DLEC1: variants seen among roughly 807,000 people sequenced by gnomAD.
DLEC1 encodes deleted in lung and esophageal cancer protein 1.
In DLEC1, 146 loss-of-function variants were observed where a neutral mutation model predicts 198.1. That is an observed-to-expected ratio of 0.74 (90% CI 0.64 to 0.85). DLEC1 has a LOEUF of 0.85. Among genes scored for constraint, DLEC1 ranks in the 40% least tolerant of loss-of-function variants. The pLI is 0.00. For missense variants in DLEC1, 2,233 were observed against 2,220.0 expected (o/e 1.01, Z -0.12); for synonymous variants, 897 against 866.8 (o/e 1.03, Z -0.61).
At chr3:38,118,078 C>G in intron 33 of DLEC1, 54 bp downstream of exon 33, 2 of 1,534,480 alleles carry the variant, frequency 1.3e-6, no homozygotes, top group Admixed American at 3.9e-5. Context: ...CACATGTGTA[C>G]AGACAGCACC....
chr3:38,104,116 T>C (rs1025008699), intron 19 of DLEC1, among the ~76,000 whole-genome samples: 7 of 152,206 alleles, frequency 4.6e-5, no homozygotes, highest in Non-Finnish European at 8.8e-5. Context: ...CAGAGCATAA[T>C]AACATGAGGT....
At chr3:38,116,417 C>T in intron 27 of DLEC1, 36 bp from the exon 28 acceptor site, 1 of 1,612,080 alleles carries the variant, frequency 6.2e-7, no homozygotes, top group South Asian at 1.1e-5. Context: ...TCTGCTCCTC[C>T]CTTATTCCTC....
chr3:38,097,580 G>T lies in DLEC1; in HGVS notation c.2508G>T (p.Leu836=). 6.2e-7 allele frequency: 1 copy of T among 1,614,208 alleles called. No homozygotes were observed. The highest frequency in any genetic ancestry group is 8.5e-7 in the Non-Finnish European group (1 of 1,180,032). Reference sequence around the variant, plus strand: ...CTGGCCCCACAAGCCAGGACCTGCTGTGTGAAATCGAAGACTCGCCCTCGC... The same window carrying T: ...CTGGCCCCACAAGCCAGGACCTGCTTTGTGAAATCGAAGACTCGCCCTCGC... ...GVPGPTSQDL[L]CEIEDSPSPV... Residue 836 remains leucine, a synonymous_variant, in exon 17 of 37, where the codon CTG becomes CTT. Transcript: ENST00000308059.
At chr3:38,115,945 C>T (rs530504800) in intron 27 of DLEC1, among the ~76,000 whole-genome samples, 2 of 152,188 alleles carry the variant, frequency 1.3e-5, no homozygotes, top group South Asian at 2.1e-4. Context: ...AGAGGGACGG[C>T]ACAGTTCAGT....
chr3:38,123,107 C>T lies in DLEC1; in HGVS notation c.*695C>T. On this transcript the variant is annotated 3_prime_UTR_variant, in exon 37 of 37. Coordinates refer to ENST00000308059, the MANE Select transcript of DLEC1 (RefSeq NM_007335.4). The stretch of plus-strand genomic sequence containing the variant: ...CCATTCCAGTCCCGATGCACATGGA[C>T]ACCACTCCGTATGCCCTGTGAAAAC... The T allele has an allele frequency of 1.2e-6, 2 of 1,614,190 alleles. No homozygotes were observed. The highest frequency in any genetic ancestry group is 1.7e-6 in the Non-Finnish European group (2 of 1,180,018).
intron 7 of DLEC1, among the ~76,000 whole-genome samples, chr3:38,084,794 C>A (rs559935086): frequency 6.6e-6 from 1 of 151,992 alleles, no homozygotes; most frequent in Admixed American, 6.5e-5. Flanking sequence ...TTTCTCCTGA[C>A]CGCCTCCACC....
intron 11 of DLEC1, among the ~76,000 whole-genome samples, 159 bp from the exon 12 acceptor site, chr3:38,093,446 A>C (rs1034303367): frequency 1.3e-5 from 2 of 152,236 alleles, no homozygotes; most frequent in East Asian, 3.9e-4. Flanking sequence ...GAGAACATTA[A>C]CCTGTGGGCG....
chr3:38,116,756 T>C lies in DLEC1; in HGVS notation c.4063-17T>C. 4 of 1,609,306 alleles carry C rather than the reference T, an allele frequency of 2.5e-6. No individual in the cohort carries two copies. The highest frequency in any genetic ancestry group is 1.1e-5 in the South Asian group (1 of 90,568). On this transcript the variant is annotated splice_polypyrimidine_tract_variant and intron_variant, in intron 28 of 36. Transcript: ENST00000308059. ...ACCTCAGTGACTGCGTGAACCTCAG[T>C]GATTCCTTGGTGACAGGTTGAGGGC...
At chr3:38,115,141 C>T (rs541621557) in intron 27 of DLEC1, 88 bp downstream of exon 27, 80 of 1,477,862 alleles carry the variant, frequency 5.4e-5, no homozygotes, top group Middle Eastern at 1.7e-4. Context: ...GGAGGGAAGC[C>T]GATGGCCCAT....
At chr3:38,104,697 T>C (rs551902906) in intron 19 of DLEC1, among the ~76,000 whole-genome samples, 268 of 152,350 alleles carry the variant, frequency 1.8e-3, no homozygotes, top group Middle Eastern at 3.4e-3. Context: ...CAGTCTAGTC[T>C]AGCTAAAGGT....
chr3:38,039,939 T>C (rs1265098578), intron 1 of DLEC1, among the ~76,000 whole-genome samples: 1 of 152,230 alleles, frequency 6.6e-6, no homozygotes, highest in African/African-American at 2.4e-5. Flanking sequence ...GACCGCTGAA[T>C]AGTTGTTCCA....
chr3:38,108,350 T>A (rs1321682247), intron 20 of DLEC1, 55 bp from the exon 21 acceptor site: 5 of 1,435,136 alleles, frequency 3.5e-6, no homozygotes, highest in Non-Finnish European at 4.9e-6. Flanking sequence ...CTCTGGATAC[T>A]GGTCCATTCT....
At chr3:38,062,916 G>A in intron 5 of DLEC1, 115 bp downstream of exon 5, 1 of 1,138,602 alleles carries the variant, frequency 8.8e-7, no homozygotes, top group Non-Finnish European at 1.2e-6. Flanking sequence ...CAGGGTAGCA[G>A]TATCAGAACA....
chr3:38,068,754 T>C (rs1270148096), intron 6 of DLEC1, among the ~76,000 whole-genome samples: 3 of 152,194 alleles, frequency 2.0e-5, no homozygotes, highest in Non-Finnish European at 2.9e-5. Flanking sequence ...TGGAGAAGGA[T>C]TGAATTATTG....
At position 38,066,003 on chromosome 3, in the gene DLEC1, G is replaced by C. The variant is rs77176837; in HGVS notation, c.1173+2084G>C. Among the ~76,000 whole-genome samples, 95 of 152,242 alleles carry C rather than the reference G, an allele frequency of 6.2e-4. 2 individuals are homozygous for C. The East Asian group carries it at 0.017, about 27-fold the overall frequency. On this transcript the variant is annotated intron_variant, in intron 6 of 36. Transcript: ENST00000308059. ...TTATCTTCCATATTTTCCACAAACT[G>C]GTCATTAGATATAGAGATTTGATGA...
intron 2 of DLEC1, among the ~76,000 whole-genome samples, chr3:38,058,266 G>A (rs1696485250): frequency 6.6e-6 from 1 of 152,182 alleles, no homozygotes; most frequent in Non-Finnish European, 1.5e-5. Flanking sequence ...TCTGTTGAGG[G>A]ATGGGATGAA....
At chr3:38,052,314 C>G (rs553099863) in intron 2 of DLEC1, 1 of 401,190 alleles carries the variant, frequency 2.5e-6, no homozygotes, top group African/African-American at 2.1e-5. Flanking sequence ...ACCGGGACCA[C>G]GAGTACCTGC....
chr3:38,112,435 C>T lies in DLEC1; in HGVS notation c.3666+74C>T. The stretch of plus-strand genomic sequence containing the variant: ...AGCCCTCGCCTTCAGCCTCTCTCCC[C>T]TCCAACACCTGGCCCTCAGACTCTC... On this transcript the variant is annotated intron_variant, in intron 25 of 36. Transcript: ENST00000308059. This position sits in a 1 kb window ranked among gnomAD's most constrained non-coding sequence, Gnocchi z 4.8. The T allele has an allele frequency of 1.3e-6, 2 of 1,581,396 alleles. No individual in the cohort carries two copies. The highest frequency in any genetic ancestry group is 1.1e-5 in the South Asian group (1 of 89,160).
At chr3:38,045,414 T>A in intron 1 of DLEC1, 129 bp from the exon 2 acceptor site, 2 of 1,245,942 alleles carry the variant, frequency 1.6e-6, no homozygotes, top group Non-Finnish European at 2.2e-6. Flanking sequence ...TCAGACCAGA[T>A]GGTTGGAATA....
Sources: allele counts gnomAD v4.1 joint callset (sites outside exome capture counted in the v4.1 genomes callset), GRCh38; gene constraint gnomAD v4.1.1; non-coding constraint Gnocchi (gnomAD v3.1); transcripts MANE v1.5; gene names NCBI Gene and HGNC (gene_info 2026-07-23, HGNC 2026-07-21).